Variants in SPAG1 observed in about 807,000 individuals in gnomAD.
SPAG1 encodes the protein sperm-associated antigen 1.
SPAG1 carries 69 observed loss-of-function variants against 100.5 expected under a neutral mutation model. That is an observed-to-expected ratio of 0.69 (90% CI 0.57 to 0.84). The LOEUF (loss-of-function observed/expected upper bound fraction) is 0.84. Among genes scored for constraint, SPAG1 ranks in the 40% least tolerant of loss-of-function variants. The pLI is 0.00. For synonymous variants in SPAG1, 336 were observed against 411.6 expected (o/e 0.82, Z 2.22); for missense variants, 955 against 1,133.1 (o/e 0.84, Z 2.26).
Position 100,203,398 on chromosome 8 carries a change from G to A in SPAG1, c.1096+9130G>A, listed in dbSNP as rs140658086. Among the ~76,000 whole-genome samples the A allele has an allele frequency of 3.2e-4, 49 of 152,120 alleles. 1 individual carries two copies. Among genetic ancestry groups the A allele is most frequent in the Middle Eastern group, 3.4e-3 (1 of 294 alleles). ...CTGACTAGTATAGATTTTAGTACCCGGAGTGGTTCCAGAGGAACAGACTAT... is the reference window on the plus strand; with the variant it reads ...CTGACTAGTATAGATTTTAGTACCCAGAGTGGTTCCAGAGGAACAGACTAT... On this transcript the variant is annotated intron_variant, in intron 10 of 18. Coordinates refer to ENST00000388798, the MANE Select transcript of SPAG1 (RefSeq NM_003114.5).
intron 13 of SPAG1, among the ~76,000 whole-genome samples, chr8:100,221,907 C>T (rs1030574064): frequency 2.6e-5 from 4 of 152,230 alleles, no homozygotes; most frequent in Non-Finnish European, 5.9e-5. Flanking sequence ...AAGTGACAAC[C>T]GTTCTCTTGG....
chr8:100,220,313 C>T lies in SPAG1; in HGVS notation c.1570C>T (p.Leu524Phe), dbSNP rs1384074147. 2.5e-6 allele frequency: 4 copies of T among 1,613,908 alleles called. No individual in the cohort carries two copies. The Admixed American group carries it at 5.0e-5, about 20-fold the overall frequency. Residue 524 changes from leucine to phenylalanine, a missense_variant, in exon 13 of 19, where the codon CTT becomes TTT. Transcript: ENST00000388798. ...ACTTCATCCATTCTCTATGAAACCTCTTCTGAGGCGGGCGATGGCCTATGA... is the reference window on the plus strand; with the variant it reads ...ACTTCATCCATTCTCTATGAAACCTTTTCTGAGGCGGGCGATGGCCTATGA... ...LELHPFSMKP[L>F]LRRAMAYETL...
In SPAG1 at chr8:100,233,393, T is replaced by C. The variant is rs1267056564; in HGVS notation, c.1989-18T>C. On this transcript the variant is annotated intron_variant, in intron 15 of 18. Transcript: ENST00000388798. ...ATCTTTACCTTTCATAATACTGAGT[T>C]CCATTGCATTATGCCAGAGCTCTCT... 6.2e-7 allele frequency: 1 copy of C among 1,612,932 alleles called. No individual in the cohort carries two copies. Among genetic ancestry groups the C allele is most frequent in the Non-Finnish European group, 8.5e-7 (1 of 1,179,498 alleles).
intron 15 of SPAG1, among the ~76,000 whole-genome samples, chr8:100,232,855 C>T (rs1046260503): frequency 6.6e-6 from 1 of 152,182 alleles, no homozygotes; most frequent in Admixed American, 6.5e-5. Flanking sequence ...GCTCTTCCAG[C>T]CTCATCCCTG....
At chr8:100,231,468 C>T (rs1200138116) in intron 15 of SPAG1, among the ~76,000 whole-genome samples, 180 bp downstream of exon 15, 1 of 152,128 alleles carries the variant, frequency 6.6e-6, no homozygotes, top group Non-Finnish European at 1.5e-5. Context: ...CGTGGGAGTT[C>T]TACAGAGACT....
chr8:100,217,970 T>C (rs1019572454), intron 12 of SPAG1, among the ~76,000 whole-genome samples: 1 of 152,032 alleles, frequency 6.6e-6, no homozygotes, highest in Admixed American at 6.6e-5. Context: ...TTTTTTTTAG[T>C]AGAAACAGGG....
At chr8:100,211,696 C>T (rs904152930) in intron 10 of SPAG1, among the ~76,000 whole-genome samples, 1 of 152,144 alleles carries the variant, frequency 6.6e-6, no homozygotes, top group Non-Finnish European at 1.5e-5. Context: ...AAAACAAGTC[C>T]GAGTTATGCT....
intron 16 of SPAG1, among the ~76,000 whole-genome samples, chr8:100,237,834 C>G (rs545691007): frequency 6.6e-6 from 1 of 152,254 alleles, no homozygotes; most frequent in East Asian, 1.9e-4. Context: ...CAGAGACTTT[C>G]CGGATTCATG....
chr8:100,206,968 C>T (rs1025586657), intron 10 of SPAG1, among the ~76,000 whole-genome samples: 17 of 152,126 alleles, frequency 1.1e-4, no homozygotes, highest in African/African-American at 3.9e-4. Flanking sequence ...ATAGGGATGC[C>T]GTTTGGAGCC....
chr8:100,173,466 CA>C (rs1483834663), intron 3 of SPAG1, among the ~76,000 whole-genome samples: 4 of 152,082 alleles, frequency 2.6e-5, no homozygotes, highest in African/African-American at 9.7e-5. Context: ...GCCTTCTATA[CA>C]GATAGAACAG....
intron 4 of SPAG1, among the ~76,000 whole-genome samples, chr8:100,180,502 T>A (rs1816322336): frequency 6.6e-6 from 1 of 152,188 alleles, no homozygotes; most frequent in South Asian, 2.1e-4. Flanking sequence ...AATTTCAAGA[T>A]CTAATTGGCT....
chr8:100,199,321 T>A (rs1044652735), intron 10 of SPAG1, among the ~76,000 whole-genome samples: 4 of 152,242 alleles, frequency 2.6e-5, no homozygotes, highest in Non-Finnish European at 5.9e-5. Flanking sequence ...GGGCATGTAG[T>A]GGTAACTCCT....
In SPAG1 at chr8:100,233,535, A is replaced by G; in HGVS notation, c.2113A>G (p.Lys705Glu). The change falls in exon 16 of 19, where the codon AAG (lysine) becomes GAG (glutamate). Residue 705 changes from lysine (K) to glutamate (E), a missense_variant and splice_region_variant. Physicochemically the swap from Lys to Glu is moderately conservative, Grantham distance 56 (BLOSUM62 1). Coordinates refer to ENST00000388798, the MANE Select transcript of SPAG1 (RefSeq NM_003114.5). The stretch of plus-strand genomic sequence containing the variant: ...ACGAGCTCTGGCTCATAAAGGACTC[A>G]AGGTGAGGAAATCTTCATTTTAATG... Reference protein sequence around the residue: ...YRRALAHKGLKNYQKSLIDLN... With the variant: ...YRRALAHKGLENYQKSLIDLN... The G allele has an allele frequency of 6.3e-7, 1 of 1,589,044 alleles. No homozygotes were observed. The highest frequency in any genetic ancestry group is 8.6e-7 in the Non-Finnish European group (1 of 1,165,626).
intron 13 of SPAG1, 119 bp downstream of exon 13, chr8:100,220,550 ATTGCCT>A (rs200690093): frequency 0.037 from 29,635 of 799,088 alleles, 640 homozygotes; most frequent in South Asian, 0.046. Flanking sequence ...CACCTGAATG[ATTGCCT>A]TCTTTTATTC....
In SPAG1 at chr8:100,177,841, A is replaced by G; in HGVS notation, c.326A>G (p.Glu109Gly). Residue 109 changes from glutamate to glycine, a missense_variant, in exon 4 of 19, where the codon GAA becomes GGA. Coordinates refer to ENST00000388798, the MANE Select transcript of SPAG1 (RefSeq NM_003114.5). ...AGTTGGGTATCAGAAATTAAAAAAG[A>G]AGAAGATAAAATGCACTTTCATGAA... is the stretch of plus-strand genomic sequence containing the variant. ...IKSWVSEIKKEEDKMHFHETE... is the reference protein window; with the variant it reads ...IKSWVSEIKKGEDKMHFHETE... The G allele has an allele frequency of 1.3e-6, 2 of 1,550,090 alleles. No individual in the cohort carries two copies. Among genetic ancestry groups the G allele is most frequent in the Non-Finnish European group, 1.8e-6 (2 of 1,122,524 alleles).
intron 2 of SPAG1, chr8:100,165,436 G>C (rs577750211): frequency 4.9e-6 from 2 of 410,898 alleles, no homozygotes; most frequent in Non-Finnish European, 9.6e-6. Flanking sequence ...CGCCAGCCGC[G>C]GGTCAGACCT....
intron 16 of SPAG1, 37 bp downstream of exon 16, chr8:100,233,574 TC>T (rs1252357410): frequency 1.3e-6 from 2 of 1,542,306 alleles, no homozygotes; most frequent in South Asian, 2.4e-5. Flanking sequence ...AAACTTCAGC[TC>T]TGAACAAATC....
intron 3 of SPAG1, among the ~76,000 whole-genome samples, chr8:100,166,314 A>G (rs975140715): frequency 6.6e-6 from 1 of 151,690 alleles, no homozygotes; most frequent in Non-Finnish European, 1.5e-5. Flanking sequence ...GCTGGAGTGC[A>G]GTGGCACGAT....
rs67672935 is a variant in SPAG1, at chr8:100,170,833, A to T, written c.300+4860A>T. Among the ~76,000 whole-genome samples the T allele has an allele frequency of 3.6e-4, 28 of 77,478 alleles. 1 individual carries two copies. The highest frequency in any genetic ancestry group is 1.3e-3 in the Admixed American group (7 of 5,262). 50.8% of individuals were successfully genotyped at this position (77,478 alleles called of 152,430 possible). A position where few individuals can be genotyped will look rare whatever the true frequency, so the allele number is the denominator to read the frequency against. On this transcript the variant is annotated intron_variant, in intron 3 of 18. Coordinates refer to ENST00000388798, the MANE Select transcript of SPAG1 (RefSeq NM_003114.5). ...TATTTATTTATTTATTTATTTATTT[A>T]TTTATTTATTTATTTATTTTTTACT...
Sources: gnomAD v4.1 joint callset for allele counts (sites outside exome capture counted in the v4.1 genomes callset) on GRCh38, gnomAD v4.1.1 for gene constraint, MANE v1.5 for transcripts, NCBI Gene and HGNC (gene_info 2026-07-23, HGNC 2026-07-21) for gene names.